Variants in CFAP57 observed in about 807,000 individuals in gnomAD.
CFAP57 encodes cilia and flagella associated protein 57, also known as cilia- and flagella-associated protein 57.
In CFAP57, 116 loss-of-function variants were observed where a neutral mutation model predicts 146.8. That is an observed-to-expected ratio of 0.79 (90% CI 0.68 to 0.92). CFAP57 has a LOEUF of 0.92. Among genes scored for constraint, CFAP57 ranks in the 40% least tolerant of loss-of-function variants. The probability of loss-of-function intolerance (pLI) is 0.00; values close to 1 mark genes in which losing one functional copy is unlikely to be tolerated. For missense variants in CFAP57, 1,377 were observed against 1,527.2 expected (o/e 0.90, Z 1.64); for synonymous variants, 518 against 552.8 (o/e 0.94, Z 0.88).
Position 43,234,078 on chromosome 1 carries a change from G to T in CFAP57, c.3127-201G>T, listed in dbSNP as rs553728638. Among the ~76,000 whole-genome samples the T allele has an allele frequency of 9.9e-5, 15 of 152,264 alleles. No homozygotes were observed. In the East Asian group the frequency reaches 2.5e-3, roughly 25 times the overall value. Reference sequence around the variant, plus strand: ...AGGCTGGGTGTCCAGCCGAGGGCAGGTGCACAAGACTTTTCGTGCCTCCAC... The same window carrying T: ...AGGCTGGGTGTCCAGCCGAGGGCAGTTGCACAAGACTTTTCGTGCCTCCAC... On this transcript the variant is annotated intron_variant, in intron 19 of 22. Transcript: ENST00000372492.
At chr1:43,180,222 T>TA (rs200187691) in intron 2 of CFAP57, among the ~76,000 whole-genome samples, 4,812 of 139,896 alleles carry the variant, frequency 0.034, 273 homozygotes, top group African/African-American at 0.11. Flanking sequence ...ATATATATAT[T>TA]TTATATATAT....
chr1:43,217,978 C>T (rs1048359107), intron 12 of CFAP57, among the ~76,000 whole-genome samples: 7 of 152,336 alleles, frequency 4.6e-5, no homozygotes, highest in Admixed American at 1.3e-4. Context: ...CCTGGCCAGG[C>T]ATTCCTGCTC....
At chr1:43,176,480 C>A (rs1302178047) in intron 2 of CFAP57, among the ~76,000 whole-genome samples, 2 of 152,220 alleles carry the variant, frequency 1.3e-5, no homozygotes, top group Admixed American at 1.3e-4. Flanking sequence ...CACAGAGCCT[C>A]AGTCTCCTCA....
At chr1:43,217,205 CA>C (rs1212235013) in intron 12 of CFAP57, among the ~76,000 whole-genome samples, 3 of 152,294 alleles carry the variant, frequency 2.0e-5, no homozygotes, top group East Asian at 3.9e-4. Flanking sequence ...AGAAACAGGT[CA>C]GGGGGGCCTT....
Position 43,234,335 on chromosome 1 carries a change from A to G in CFAP57, c.3183A>G (p.Val1061=), listed in dbSNP as rs1490665352. 1.3e-6 allele frequency: 2 copies of G among 1,550,302 alleles called. No individual in the cohort carries two copies. The highest frequency in any genetic ancestry group is 4.9e-5 in the East Asian group (2 of 40,892). ...TTAAAACAGACCTCCACAACTGCGT[A>G]GCCTATATTCAGGAACCGCGGCTGC... ...KRFKTDLHNC[V]AYIQEPRLLK... The change falls in exon 20 of 23, where the codon GTA becomes GTG. Residue 1061 remains valine, a synonymous_variant. Transcript: ENST00000372492.
intron 19 of CFAP57, 133 bp downstream of exon 19, chr1:43,232,757 C>T (rs1232321442): frequency 8.3e-6 from 5 of 599,024 alleles, no homozygotes; most frequent in Non-Finnish European, 1.1e-5. Flanking sequence ...ACATTCTTTA[C>T]TTGCTCCCAG....
rs1441052113 is a variant in CFAP57 at position 43,181,607 on chromosome 1, T to C, written c.231T>C (p.Thr77=). The C allele has an allele frequency of 6.2e-7, 1 of 1,614,236 alleles. No homozygotes were observed. Among genetic ancestry groups the C allele is most frequent in the African/African-American group, 1.3e-5 (1 of 75,052 alleles). The change falls in exon 3 of 23, where the codon ACT becomes ACC. Residue 77 remains threonine (T), a synonymous_variant. Transcript: ENST00000372492. ...PNRRYLAISE[T]VQEKPAITIY... is the part of the protein sequence containing the mutation. ...GGCGGTACCTCGCTATCTCTGAGAC[T>C]GTGCAAGAAAAACCTGCCATCACCA...
intron 11 of CFAP57, chr1:43,211,379 T>C (rs1403130711): frequency 6.6e-6 from 1 of 152,074 alleles, no homozygotes; most frequent in Non-Finnish European, 1.5e-5. Context: ...ATAGAGACCA[T>C]CCTGGCTAAC....
chr1:43,185,229 C>G lies in CFAP57; in HGVS notation c.842C>G (p.Ser281Cys), dbSNP rs772788777. Residue 281 changes from serine (S) to cysteine (C), a missense_variant, in exon 5 of 23, where the codon TCC becomes TGC. Ser to Cys is a moderately radical substitution (Grantham distance 112, BLOSUM62 -1). Coordinates refer to ENST00000372492, the MANE Select transcript of CFAP57 (RefSeq NM_001378189.1). ...GCGGCCAGTAGCCATAGCCAGATGTCCATGCCCCAGGTGTTTGCCATTGCA... is the reference window on the plus strand; with the variant it reads ...GCGGCCAGTAGCCATAGCCAGATGTGCATGCCCCAGGTGTTTGCCATTGCA... ...MVAASSHSQMSMPQVFAIAAY... is the reference protein window; with the variant it reads ...MVAASSHSQMCMPQVFAIAAY... 6.2e-7 allele frequency: 1 copy of G among 1,614,214 alleles called. No homozygotes were observed. Among genetic ancestry groups the G allele is most frequent in the East Asian group, 2.2e-5 (1 of 44,886 alleles).
At chr1:43,199,913 G>A (rs1057063108) in intron 9 of CFAP57, among the ~76,000 whole-genome samples, 5 of 152,230 alleles carry the variant, frequency 3.3e-5, no homozygotes, top group Admixed American at 6.5e-5. Context: ...AGGATAAACC[G>A]TGGGGTAAAG....
intron 6 of CFAP57, among the ~76,000 whole-genome samples, chr1:43,190,347 T>C (rs375986367): frequency 7.3e-4 from 105 of 143,444 alleles, no homozygotes; most frequent in African/African-American, 2.6e-3. Flanking sequence ...CTTGGCTCAC[T>C]GCAAGCTCCA....
chr1:43,219,122 G>A (rs1644948504), intron 12 of CFAP57, among the ~76,000 whole-genome samples: 1 of 152,208 alleles, frequency 6.6e-6, no homozygotes, highest in Non-Finnish European at 1.5e-5. Context: ...TCAAGCAGGA[G>A]ATGCTTAAGC....
In CFAP57 at chr1:43,183,884, G is replaced by A; in HGVS notation, c.761+7G>A. 6.2e-7 allele frequency: 1 copy of A among 1,613,542 alleles called. No homozygotes were observed. The highest frequency in any genetic ancestry group is 8.5e-7 in the Non-Finnish European group (1 of 1,180,018). On this transcript the variant is annotated splice_region_variant and intron_variant, in intron 4 of 22. Transcript: ENST00000372492. ...TCATTCAGGAATCAGAGAGGTAATG[G>A]TGCTTCCTGGGCTGGTGCTCCCACA...
chr1:43,188,271 A>G (rs1643278035), intron 6 of CFAP57, among the ~76,000 whole-genome samples: 1 of 152,030 alleles, frequency 6.6e-6, no homozygotes, highest in Non-Finnish European at 1.5e-5. Flanking sequence ...ACTAGTTTTT[A>G]TGTGGATGGG....
intron 21 of CFAP57, among the ~76,000 whole-genome samples, chr1:43,241,792 A>G (rs541667236): frequency 1.3e-5 from 2 of 152,172 alleles, no homozygotes; most frequent in South Asian, 4.2e-4. Flanking sequence ...TGGTCAGGTG[A>G]TGTATTTGTA....
chr1:43,243,331 A>G lies in CFAP57; in HGVS notation c.3510A>G (p.Lys1170=). 3.9e-6 allele frequency: 6 copies of G among 1,539,530 alleles called. No individual in the cohort carries two copies. Among genetic ancestry groups the G allele is most frequent in the Non-Finnish European group, 5.3e-6 (6 of 1,140,436 alleles). The change falls in exon 22 of 23, where the codon AAA becomes AAG. Residue 1170 remains lysine, a synonymous_variant. Transcript: ENST00000372492. ...DLEAALKLTK[K]VRPQEVSETE... ...AAGCAGCTCTGAAACTGACCAAGAA[A>G]GTCCGACCACAAGAAGTTTCAGAGA...
At chr1:43,206,008 AG>A (rs1168449001) in intron 9 of CFAP57, among the ~76,000 whole-genome samples, 1 of 152,166 alleles carries the variant, frequency 6.6e-6, no homozygotes, top group Non-Finnish European at 1.5e-5. Flanking sequence ...TATTTTAGAC[AG>A]GGTCTCACTC....
chr1:43,232,670 C>A, intron 19 of CFAP57, 46 bp downstream of exon 19: 5 of 1,404,170 alleles, frequency 3.6e-6, no homozygotes, highest in Non-Finnish European at 4.8e-6. Context: ...CGGGATCTGG[C>A]ACCTATCTGC....
At chr1:43,236,081 C>CG (rs5773802) in intron 21 of CFAP57, among the ~76,000 whole-genome samples, 146,099 of 152,158 alleles carry the variant, frequency 0.96, 70,171 homozygotes, top group East Asian at 1. Context: ...GAGACCCAAG[C>CG]GGCCTCCTGC....
Sources: gnomAD v4.1 joint callset for allele counts (sites outside exome capture counted in the v4.1 genomes callset) on GRCh38, gnomAD v4.1.1 for gene constraint, MANE v1.5 for transcripts, NCBI Gene and HGNC (gene_info 2026-07-23, HGNC 2026-07-21) for gene names.